Variants in SNTG2 observed in about 807,000 individuals in gnomAD.
The protein encoded by SNTG2 is gamma-2-syntrophin.
In SNTG2, 74 loss-of-function variants were observed where a neutral mutation model predicts 70.9. The ratio of observed to expected loss-of-function variants is 1.04; its 90% CI spans 0.86 to 1.27. SNTG2 has a LOEUF of 1.27. Among genes scored for constraint, SNTG2 ranks in the 50% most tolerant of loss-of-function variants. The pLI is 0.00. For synonymous variants in SNTG2, 278 were observed against 273.8 expected (o/e 1.02, Z -0.15); for missense variants, 717 against 690.7 (o/e 1.04, Z -0.43).
At chr2:1,148,816 G>T (rs1195205684) in intron 6 of SNTG2, among the ~76,000 whole-genome samples, 1 of 92,654 alleles carries the variant, frequency 1.1e-5, no homozygotes, top group African/African-American at 4.2e-5. Context: ...GAGGAGAGAA[G>T]GTGAAGGTGG....
chr2:1,022,342 C>T (rs1027617631), intron 1 of SNTG2, among the ~76,000 whole-genome samples: 3 of 151,808 alleles, frequency 2.0e-5, no homozygotes, highest in South Asian at 2.1e-4. Flanking sequence ...CCTGTGTTCC[C>T]GTGAGCCTGT....
chr2:965,948 C>CCTCCCGGCTG (rs1405133068), intron 1 of SNTG2, among the ~76,000 whole-genome samples: 13 of 152,086 alleles, frequency 8.5e-5, no homozygotes, highest in African/African-American at 2.9e-4. Context: ...GGGCCCAGCT[C>CCTCCCGGCTG]CTCCCGGCTG....
At chr2:1,025,629 C>T (rs1425407450) in intron 1 of SNTG2, among the ~76,000 whole-genome samples, 2 of 152,294 alleles carry the variant, frequency 1.3e-5, no homozygotes, top group African/African-American at 4.8e-5. Flanking sequence ...CCTCCATCTT[C>T]ACATCATCTT....
intron 4 of SNTG2, among the ~76,000 whole-genome samples, chr2:1,126,396 CTT>C (rs1667701687): frequency 6.6e-6 from 1 of 152,218 alleles, no homozygotes; most frequent in East Asian, 1.9e-4. Context: ...TTGTGGGACA[CTT>C]AGCTTTGTTC....
chr2:1,303,841 CAT>C (rs1158482875), intron 14 of SNTG2, among the ~76,000 whole-genome samples: 1 of 152,240 alleles, frequency 6.6e-6, no homozygotes, highest in Non-Finnish European at 1.5e-5. Flanking sequence ...TAACTCTACA[CAT>C]ATAAATCTCG....
At chr2:1,045,962 G>C (rs1397259973) in intron 1 of SNTG2, among the ~76,000 whole-genome samples, 1 of 152,008 alleles carries the variant, frequency 6.6e-6, no homozygotes, top group Non-Finnish European at 1.5e-5. Flanking sequence ...ACTGTCAGTG[G>C]GGTGTTGAAA....
chr2:1,265,917 G>A (rs1335178136), intron 13 of SNTG2, among the ~76,000 whole-genome samples: 1 of 152,136 alleles, frequency 6.6e-6, no homozygotes, highest in African/African-American at 2.4e-5. Context: ...CCTTCACTGG[G>A]GAGAGACTGG....
chr2:1,173,788 A>G (rs1469883086), intron 8 of SNTG2, among the ~76,000 whole-genome samples: 1 of 152,144 alleles, frequency 6.6e-6, no homozygotes, highest in Non-Finnish European at 1.5e-5. Flanking sequence ...CCTGGGACAC[A>G]GGGCTCACGC....
intron 16 of SNTG2, among the ~76,000 whole-genome samples, chr2:1,349,092 T>C (rs1312315043): frequency 1.3e-5 from 2 of 152,208 alleles, no homozygotes; most frequent in Non-Finnish European, 2.9e-5. Flanking sequence ...TAAAGGATAG[T>C]CTTCCGGCAA....
At chr2:1,194,753 G>A (rs1672801471) in intron 8 of SNTG2, among the ~76,000 whole-genome samples, 1 of 152,064 alleles carries the variant, frequency 6.6e-6, no homozygotes, top group South Asian at 2.1e-4. Context: ...TATACTTTAA[G>A]TTCTGGGGTA....
At chr2:1,232,940 C>T (rs1340539754) in intron 9 of SNTG2, among the ~76,000 whole-genome samples, 3 of 152,154 alleles carry the variant, frequency 2.0e-5, no homozygotes, top group Non-Finnish European at 4.4e-5. Context: ...TTAAAGTAAA[C>T]AGGCATGTGT....
intron 13 of SNTG2, 42 bp downstream of exon 13, chr2:1,259,483 A>T (rs374015008): frequency 2.9e-5 from 44 of 1,520,206 alleles, no homozygotes; most frequent in Non-Finnish European, 3.9e-5. Context: ...TACAAATAAG[A>T]TGCCCTTTGG....
At chr2:1,170,946 G>A (rs115902740) in intron 7 of SNTG2, among the ~76,000 whole-genome samples, 3,600 of 152,080 alleles carry the variant, frequency 0.024, 120 homozygotes, top group African/African-American at 0.074. Context: ...CACAGCAGCC[G>A]CACCATTTTA....
chr2:1,037,779 A>G (rs1422043912), intron 1 of SNTG2, among the ~76,000 whole-genome samples: 1 of 151,974 alleles, frequency 6.6e-6, no homozygotes, highest in South Asian at 2.1e-4. Context: ...TCAGTTCTTC[A>G]TTTTCTTTGA....
intron 6 of SNTG2, among the ~76,000 whole-genome samples, chr2:1,164,677 G>A (rs184479135): frequency 2.6e-4 from 40 of 151,668 alleles, no homozygotes; most frequent in African/African-American, 9.0e-4. Flanking sequence ...GGAGGATGAA[G>A]TAAGGCAGGA....
At chr2:1,019,883 A>T (rs1660063987) in intron 1 of SNTG2, among the ~76,000 whole-genome samples, 1 of 152,110 alleles carries the variant, frequency 6.6e-6, no homozygotes. Flanking sequence ...TCTCTACAAA[A>T]AAAAGAAAAA....
chr2:1,003,163 G>A (rs908831694), intron 1 of SNTG2, among the ~76,000 whole-genome samples: 3 of 152,054 alleles, frequency 2.0e-5, no homozygotes, highest in Non-Finnish European at 2.9e-5. Flanking sequence ...CTGGCTGATA[G>A]CTACACTAAA....
intron 1 of SNTG2, among the ~76,000 whole-genome samples, chr2:1,025,314 A>G (rs1426110282): frequency 7.9e-5 from 12 of 152,292 alleles, no homozygotes; most frequent in Admixed American, 5.2e-4. Flanking sequence ...ATATGGGTGC[A>G]TGGAATCCAG....
chr2:1,170,834 G>A (rs1001259270), intron 7 of SNTG2, among the ~76,000 whole-genome samples: 4 of 151,918 alleles, frequency 2.6e-5, no homozygotes, highest in African/African-American at 9.7e-5. Flanking sequence ...GTTTTTCTTG[G>A]GAGATGTTTT....
Sources: gnomAD v4.1 joint callset for allele counts (sites outside exome capture counted in the v4.1 genomes callset) on GRCh38, gnomAD v4.1.1 for gene constraint, MANE v1.5 for transcripts, NCBI Gene and HGNC (gene_info 2026-07-23, HGNC 2026-07-21) for gene names.